VAV3: variants seen among roughly 807,000 people sequenced by gnomAD.
VAV3 encodes the protein guanine nucleotide exchange factor VAV3.
A neutral mutation model predicts 131.2 loss-of-function variants in VAV3; 94 were observed. The ratio of observed to expected loss-of-function variants is 0.72; its 90% CI spans 0.61 to 0.85. The LOEUF (loss-of-function observed/expected upper bound fraction) is 0.85, where lower values mean the gene tolerates loss of function less well. Among genes scored for constraint, VAV3 ranks in the 40% least tolerant of loss-of-function variants. The pLI is 0.00. For missense variants in VAV3, 939 were observed against 1,002.7 expected (o/e 0.94, Z 0.86); for synonymous variants, 349 against 342.0 (o/e 1.02, Z -0.22).
chr1:107,603,742 T>C (rs888056989), intron 22 of VAV3, among the ~76,000 whole-genome samples: 1 of 152,078 alleles, frequency 6.6e-6, no homozygotes, highest in East Asian at 1.9e-4. Context: ...AGAACATTTC[T>C]CATTCTCTTT....
At chr1:107,919,475 T>C (rs1282102632) in intron 1 of VAV3, among the ~76,000 whole-genome samples, 1 of 152,186 alleles carries the variant, frequency 6.6e-6, no homozygotes, top group Non-Finnish European at 1.5e-5. Context: ...ATCAGACAAG[T>C]ACAAAAAGTC....
chr1:107,573,943 C>A (rs753378991), intron 26 of VAV3, 104 bp downstream of exon 26: 1 of 1,463,300 alleles, frequency 6.8e-7, no homozygotes, highest in Non-Finnish European at 9.2e-7. Context: ...GGGCTGAAAG[C>A]TGTAATACAG....
chr1:107,784,667 G>T (rs959600033), intron 2 of VAV3, among the ~76,000 whole-genome samples: 1 of 152,206 alleles, frequency 6.6e-6, no homozygotes, highest in Non-Finnish European at 1.5e-5. Flanking sequence ...TTTCTTAAGG[G>T]CAGTAGAATC....
intron 2 of VAV3, among the ~76,000 whole-genome samples, chr1:107,797,711 T>C (rs970895833): frequency 6.6e-6 from 1 of 152,356 alleles, no homozygotes. Flanking sequence ...AGTAACATCA[T>C]GACCTTTAGG....
At chr1:107,728,603 ATATG>A (rs1557798879) in intron 15 of VAV3, among the ~76,000 whole-genome samples, 1 of 95,438 alleles carries the variant, frequency 1.0e-5, no homozygotes, top group Non-Finnish European at 2.5e-5. Flanking sequence ...ACGTATACGT[ATATG>A]TATATGTATA....
intron 15 of VAV3, among the ~76,000 whole-genome samples, chr1:107,741,597 G>A (rs1472511685): frequency 1.3e-5 from 2 of 152,110 alleles, no homozygotes; most frequent in Non-Finnish European, 2.9e-5. Flanking sequence ...AAATGGAAAA[G>A]GCATAGATCC....
intron 25 of VAV3, among the ~76,000 whole-genome samples, chr1:107,578,376 T>C (rs1449158756): frequency 2.0e-5 from 3 of 152,218 alleles, no homozygotes; most frequent in African/African-American, 7.2e-5. Flanking sequence ...CCCAAATCAT[T>C]TTCAGCCATG....
intron 19 of VAV3, among the ~76,000 whole-genome samples, chr1:107,652,707 C>T (rs551032204): frequency 9.9e-5 from 15 of 152,120 alleles, no homozygotes; most frequent in African/African-American, 3.6e-4. Flanking sequence ...TACAAATATT[C>T]AGTTATTATT....
intron 1 of VAV3, among the ~76,000 whole-genome samples, chr1:107,940,568 G>C (rs79667292): frequency 6.6e-6 from 1 of 152,158 alleles, no homozygotes; most frequent in Non-Finnish European, 1.5e-5. Flanking sequence ...CTTAAAACTC[G>C]ATTGGGAGAC....
intron 19 of VAV3, among the ~76,000 whole-genome samples, chr1:107,660,624 T>C (rs554089842): frequency 6.6e-6 from 1 of 152,182 alleles, no homozygotes; most frequent in Admixed American, 6.5e-5. Context: ...AGGAGATAAT[T>C]TGTTGGTATT....
chr1:107,700,175 A>T (rs909993023), intron 17 of VAV3, among the ~76,000 whole-genome samples: 14 of 152,338 alleles, frequency 9.2e-5, no homozygotes, highest in African/African-American at 3.1e-4. Context: ...TAAAAAGGTA[A>T]GCTTACAAAA....
chr1:107,884,169 G>A (rs1446159124), intron 1 of VAV3, among the ~76,000 whole-genome samples: 3 of 150,570 alleles, frequency 2.0e-5, no homozygotes, highest in Admixed American at 1.3e-4. Context: ...AAAAGAATAA[G>A]ACCTAGTATT....
At chr1:107,791,031 A>C (rs911131853) in intron 2 of VAV3, among the ~76,000 whole-genome samples, 11 of 152,008 alleles carry the variant, frequency 7.2e-5, no homozygotes, top group African/African-American at 2.4e-4. Flanking sequence ...TCTTTCTTCC[A>C]AACAGGGAAA....
Position 107,631,697 on chromosome 1 carries a change from A to G in VAV3, c.1914+10922T>C, listed in dbSNP as rs1421642921. 3.8e-5 allele frequency among the ~76,000 whole-genome samples: 5 copies of G among 132,504 alleles called. No homozygotes were observed. The East Asian group carries it at 9.0e-4, about 24-fold the overall frequency. 86.9% of individuals were successfully genotyped at this position (132,504 alleles called of 152,430 possible). ...CTGTGTCCATGTGTTCTCATTGTTCAATTCCCACCTATGAGTGAGAACATG... is the reference window on the plus strand; with the variant it reads ...CTGTGTCCATGTGTTCTCATTGTTCGATTCCCACCTATGAGTGAGAACATG... On this transcript the variant is annotated intron_variant, in intron 20 of 26. Transcript: ENST00000370056.
At chr1:107,875,573 AGAGT>A (rs1485972219) in intron 1 of VAV3, among the ~76,000 whole-genome samples, 1 of 152,172 alleles carries the variant, frequency 6.6e-6, no homozygotes, top group Non-Finnish European at 1.5e-5. Context: ...GCAGCAAGGC[AGAGT>A]GAGTAATGGG....
At chr1:107,803,329 T>A (rs1254687264) in intron 2 of VAV3, among the ~76,000 whole-genome samples, 1 of 152,036 alleles carries the variant, frequency 6.6e-6, no homozygotes, top group Non-Finnish European at 1.5e-5. Context: ...CTTTTCTAGT[T>A]CCTTGAGGTG....
intron 2 of VAV3, among the ~76,000 whole-genome samples, chr1:107,783,725 C>G (rs1183730638): frequency 2.0e-5 from 3 of 152,092 alleles, no homozygotes; most frequent in East Asian, 1.9e-4. Flanking sequence ...CATCTATCAC[C>G]TCATTTAAAA....
At position 107,766,542 on chromosome 1, in the gene VAV3, T is replaced by C; in HGVS notation, c.726A>G (p.Val242=). 6.2e-7 allele frequency: 1 copy of C among 1,612,134 alleles called. No homozygotes were observed. The change falls in exon 8 of 27, where the codon GTA becomes GTG. Residue 242 remains valine (V), a synonymous_variant. Transcript: ENST00000370056. ...CTTGCATTAGGTTCCGATGAAGTTT[T>C]ACAAGTTCCTAAGAAAAGAAAACAA... ...DSVFINIPEL[V]KLHRNLMQEI...
intron 19 of VAV3, among the ~76,000 whole-genome samples, chr1:107,664,258 C>G (rs6658829): frequency 0.91 from 137,607 of 152,050 alleles, 62,359 homozygotes; most frequent in African/African-American, 0.92. Flanking sequence ...AAGTAAACAT[C>G]TGCCATGGTG....
Sources: gnomAD v4.1 joint callset for allele counts (sites outside exome capture counted in the v4.1 genomes callset) on GRCh38, gnomAD v4.1.1 for gene constraint, MANE v1.5 for transcripts, NCBI Gene and HGNC (gene_info 2026-07-23, HGNC 2026-07-21) for gene names.